SLC35F4: variants seen among roughly 807,000 people sequenced by gnomAD.
SLC35F4 encodes chromosome 14 open reading frame 36.
SLC35F4 carries 24 observed loss-of-function variants against 44.2 expected under a neutral mutation model. The ratio of observed to expected loss-of-function variants is 0.54; its 90% CI spans 0.39 to 0.76. SLC35F4 has a LOEUF of 0.76. Among genes scored for constraint, SLC35F4 ranks in the 30% least tolerant of loss-of-function variants. SLC35F4 has a pLI of 0.00. For missense variants in SLC35F4, 562 were observed against 586.1 expected, an observed-to-expected ratio of 0.96 and a Z score of 0.42; for synonymous variants, 238 against 223.6, an observed-to-expected ratio of 1.06 and a Z score of -0.57.
intron 1 of SLC35F4, among the ~76,000 whole-genome samples, chr14:57,836,658 A>G (rs1956692): frequency 0.27 from 41,137 of 152,068 alleles, 6,763 homozygotes; most frequent in African/African-American, 0.46. Context: ...AGACAATAGT[A>G]TAATTAATCT....
chr14:57,761,109 T>A (rs762742318), intron 1 of SLC35F4, among the ~76,000 whole-genome samples: 2 of 152,188 alleles, frequency 1.3e-5, no homozygotes, highest in Non-Finnish European at 2.9e-5. Context: ...CTGGGGTGAC[T>A]GTGAGACTTG....
intron 1 of SLC35F4, among the ~76,000 whole-genome samples, chr14:57,748,427 G>T (rs1037747983): frequency 6.6e-6 from 1 of 151,996 alleles, no homozygotes. Context: ...AGCTACAGTG[G>T]GTTTTTTTTA....
intron 1 of SLC35F4, among the ~76,000 whole-genome samples, chr14:57,729,946 C>A (rs527417169): frequency 6.6e-6 from 1 of 152,328 alleles, no homozygotes; most frequent in South Asian, 2.1e-4. Context: ...CATACACAGG[C>A]ACTGCCTGAG....
At chr14:57,783,456 T>A (rs928482761) in intron 1 of SLC35F4, among the ~76,000 whole-genome samples, 3 of 152,074 alleles carry the variant, frequency 2.0e-5, no homozygotes, top group Non-Finnish European at 4.4e-5. Flanking sequence ...AGCACCAGGA[T>A]TTAAGGCAGG....
chr14:57,644,936 T>C (rs530374511), intron 1 of SLC35F4, among the ~76,000 whole-genome samples: 61 of 152,230 alleles, frequency 4.0e-4, no homozygotes, highest in Non-Finnish European at 6.9e-4. Context: ...GTTGTAGATA[T>C]GTGGCATTAT....
At chr14:57,847,274 C>CT (rs1475140852) in intron 1 of SLC35F4, among the ~76,000 whole-genome samples, 1 of 152,072 alleles carries the variant, frequency 6.6e-6, no homozygotes, top group Non-Finnish European at 1.5e-5. Flanking sequence ...TCCCAGTAGT[C>CT]TGTTTTAACT....
At chr14:57,932,048 C>T (rs1245812367) in intron 1 of SLC35F4, among the ~76,000 whole-genome samples, 1 of 152,220 alleles carries the variant, frequency 6.6e-6, no homozygotes, top group Non-Finnish European at 1.5e-5. Flanking sequence ...GTCCATCTCA[C>T]TGCCTTGCTG....
At chr14:57,758,038 T>TGTGTGTGC (rs2077037968) in intron 1 of SLC35F4, among the ~76,000 whole-genome samples, 1 of 150,980 alleles carries the variant, frequency 6.6e-6, no homozygotes, top group Non-Finnish European at 1.5e-5. Flanking sequence ...TGTGTGTGTG[T>TGTGTGTGC]GTGTTATTTT....
At chr14:57,917,435 AGTTT>A (rs1383119594) in intron 1 of SLC35F4, among the ~76,000 whole-genome samples, 5 of 151,882 alleles carry the variant, frequency 3.3e-5, no homozygotes, top group Admixed American at 6.6e-5. Flanking sequence ...TATTAATCAC[AGTTT>A]TTTTTAATTC....
downstream of SLC35F4, among the ~76,000 whole-genome samples, chr14:57,973,098 C>T (rs993849917): frequency 6.6e-6 from 1 of 152,194 alleles, no homozygotes; most frequent in Non-Finnish European, 1.5e-5. Context: ...CCCATGCAAA[C>T]AGTACCACTG....
At chr14:57,768,647 A>C (rs922258044) in intron 1 of SLC35F4, among the ~76,000 whole-genome samples, 1 of 152,232 alleles carries the variant, frequency 6.6e-6, no homozygotes, top group African/African-American at 2.4e-5. Context: ...ATTTGCTTGC[A>C]TTTGGGGTTA....
chr14:57,676,661 A>G (rs928507996), intron 1 of SLC35F4, among the ~76,000 whole-genome samples: 3 of 152,138 alleles, frequency 2.0e-5, no homozygotes, highest in African/African-American at 7.2e-5. Context: ...ACATATAAAA[A>G]TACTCTATAT....
intron 1 of SLC35F4, among the ~76,000 whole-genome samples, chr14:57,614,818 G>T (rs2071715905): frequency 6.6e-6 from 1 of 152,140 alleles, no homozygotes; most frequent in African/African-American, 2.4e-5. Flanking sequence ...AAGATAGCTT[G>T]GTTCCTGCTC....
At chr14:57,581,028 C>CTGTT (rs1210784748) in intron 4 of SLC35F4, 186 bp downstream of exon 4, 4 of 465,932 alleles carry the variant, frequency 8.6e-6, no homozygotes, top group Non-Finnish European at 1.4e-5. Flanking sequence ...TGGAAACAAA[C>CTGTT]TGTTTATCCT....
intron 1 of SLC35F4, among the ~76,000 whole-genome samples, chr14:57,689,083 T>C (rs1460836740): frequency 6.6e-6 from 1 of 152,182 alleles, no homozygotes; most frequent in East Asian, 1.9e-4. Flanking sequence ...GGTTTTTCTC[T>C]ATCCTCTCTT....
chr14:57,634,233 T>C (rs1378738341), intron 1 of SLC35F4, among the ~76,000 whole-genome samples: 1 of 152,086 alleles, frequency 6.6e-6, no homozygotes, highest in Non-Finnish European at 1.5e-5. Flanking sequence ...ACCTATCTCA[T>C]TAATAAAATG....
intron 1 of SLC35F4, among the ~76,000 whole-genome samples, chr14:57,897,153 T>G (rs749010006): frequency 2.6e-5 from 4 of 152,190 alleles, no homozygotes; most frequent in Non-Finnish European, 4.4e-5. Flanking sequence ...AGATACTAAG[T>G]TGACGTATGT....
At position 57,891,286 on chromosome 14, in the gene SLC35F4, T is replaced by G. The variant is rs78420779; in HGVS notation, n.282+90627A>C. Among the ~76,000 whole-genome samples, 757 of 152,308 alleles carry G rather than the reference T, an allele frequency of 5.0e-3. 2 individuals are homozygous for G. Among genetic ancestry groups the G allele is most frequent in the African/African-American group, 0.017 (690 of 41,568 alleles). ...GAAATTTCATTAAGCATCTACTCGGTGCCTGGCAGTGTTTTATGCAGTTAC... is the reference window on the plus strand; with the variant it reads ...GAAATTTCATTAAGCATCTACTCGGGGCCTGGCAGTGTTTTATGCAGTTAC... On this transcript the variant is annotated intron_variant and non_coding_transcript_variant, in intron 1 of 1. Coordinates refer to the SLC35F4 transcript ENST00000556568.
intron 1 of SLC35F4, among the ~76,000 whole-genome samples, chr14:57,895,509 T>C (rs757440561): frequency 4.6e-5 from 7 of 152,012 alleles, no homozygotes; most frequent in Non-Finnish European, 1.0e-4. Context: ...GTTCCCTTGA[T>C]AGTGGATGAG....
Sources: allele counts gnomAD v4.1 joint callset (sites outside exome capture counted in the v4.1 genomes callset), GRCh38; gene constraint gnomAD v4.1.1; transcripts MANE v1.5; gene names NCBI Gene and HGNC (gene_info 2026-07-23, HGNC 2026-07-21).